The following TENM4 variants were observed in gnomAD, a reference collection of about 807,000 sequenced individuals.
TENM4 encodes teneurin transmembrane protein 4.
TENM4 carries 82 observed loss-of-function variants against 243.3 expected under a neutral mutation model. The observed-to-expected ratio is 0.34, with a 90% CI of 0.28 to 0.40. The LOEUF (loss-of-function observed/expected upper bound fraction) is 0.40. TENM4 is among the 10% of genes least tolerant of loss of function. The pLI is 1.00. For missense variants in TENM4, 3,138 were observed against 3,673.3 expected (o/e 0.85, Z 3.77); for synonymous variants, 1,412 against 1,456.3 (o/e 0.97, Z 0.69).
chr11:78,732,336 G>A lies in TENM4; in HGVS notation c.3118C>T (p.Pro1040Ser). The A allele has an allele frequency of 2.5e-6, 4 of 1,607,408 alleles. No homozygotes were observed. Among genetic ancestry groups the A allele is most frequent in the Non-Finnish European group, 3.4e-6 (4 of 1,174,940 alleles). The part of the protein sequence containing the change: ...SFASSCAEKG[P>S]IVPEIQALQE... ...GGTACCTGAATTTCCGGCACAATGG[G>A]GCCTTTCTCTGCACAGGAGCTGGCG... The change falls in exon 21 of 34, where the codon CCC (proline) becomes TCC (serine). Residue 1040 changes from proline (P) to serine (S), a missense_variant. Pro to Ser is a moderately conservative substitution (Grantham distance 74, BLOSUM62 -1). This residue lies in a region of TENM4 where 2,467 missense variants were observed against 3,059.1 expected (regional missense o/e 0.81). Coordinates refer to ENST00000278550, the MANE Select transcript of TENM4 (RefSeq NM_001098816.3).
intron 6 of TENM4, among the ~76,000 whole-genome samples, chr11:78,951,069 G>A (rs1036518817): frequency 5.3e-5 from 8 of 152,234 alleles, no homozygotes; most frequent in East Asian, 3.9e-4. Context: ...AAAATGCAGC[G>A]TGCTCAAGGG....
intron 3 of TENM4, among the ~76,000 whole-genome samples, chr11:79,173,998 C>T (rs1863105775): frequency 6.6e-6 from 1 of 152,072 alleles, no homozygotes; most frequent in Admixed American, 6.6e-5. Flanking sequence ...AACAGAAAGC[C>T]AAAACAAAAG....
At chr11:78,722,629 T>C in intron 24 of TENM4, 39 bp downstream of exon 24, 2 of 1,593,796 alleles carry the variant, frequency 1.3e-6, no homozygotes, top group Non-Finnish European at 1.7e-6. Flanking sequence ...GGCAAAGGCA[T>C]ATTATTAGGA....
intron 4 of TENM4, among the ~76,000 whole-genome samples, chr11:79,130,075 A>T (rs959279002): frequency 1.3e-5 from 2 of 151,978 alleles, no homozygotes; most frequent in African/African-American, 4.8e-5. Flanking sequence ...TTTGCAGACA[A>T]CTCCCAGTAC....
At chr11:78,689,996 G>A (rs1229359118) in intron 28 of TENM4, among the ~76,000 whole-genome samples, 1 of 152,194 alleles carries the variant, frequency 6.6e-6, no homozygotes, top group African/African-American at 2.4e-5. Flanking sequence ...CCTGGGCAGG[G>A]CTGCAGGCAA....
intron 16 of TENM4, 26 bp downstream of exon 16, chr11:78,786,872 T>C (rs369396910): frequency 2.5e-6 from 4 of 1,581,406 alleles, no homozygotes; most frequent in Non-Finnish European, 3.4e-6. Flanking sequence ...CCAGAGAAGG[T>C]ACCCGGGGAC....
intron 6 of TENM4, among the ~76,000 whole-genome samples, chr11:78,997,903 A>C (rs1325827878): frequency 1.3e-5 from 2 of 152,168 alleles, no homozygotes; most frequent in East Asian, 3.8e-4. Flanking sequence ...TGCCCTTATA[A>C]GAGGAGGAAA....
intron 5 of TENM4, among the ~76,000 whole-genome samples, chr11:79,065,802 G>A (rs1316067426): frequency 1.3e-5 from 2 of 152,218 alleles, no homozygotes; most frequent in African/African-American, 4.8e-5. Flanking sequence ...GTAAGAGAAG[G>A]TCACCTAGGA....
chr11:79,276,395 G>T (rs1266109021), intron 2 of TENM4, among the ~76,000 whole-genome samples: 2 of 152,234 alleles, frequency 1.3e-5, no homozygotes, highest in Non-Finnish European at 1.5e-5. Flanking sequence ...GGCTAGCAGG[G>T]TCTCCAGGAG....
intron 2 of TENM4, among the ~76,000 whole-genome samples, chr11:79,243,191 G>A (rs1027457417): frequency 9.2e-5 from 14 of 152,060 alleles, no homozygotes; most frequent in African/African-American, 3.4e-4. Context: ...ACGGTAGGAG[G>A]CAGGGAACAG....
At chr11:79,248,485 G>T (rs898943821) in intron 2 of TENM4, among the ~76,000 whole-genome samples, 1 of 152,134 alleles carries the variant, frequency 6.6e-6, no homozygotes, top group Admixed American at 6.5e-5. Flanking sequence ...ACACTTTGGG[G>T]AACGTCTATT....
rs1330335986 is a variant in TENM4, at chr11:78,778,598, A to G, written c.2392+4T>C. The G allele has an allele frequency of 1.9e-6, 3 of 1,611,932 alleles. No individual in the cohort carries two copies. Among genetic ancestry groups the G allele is most frequent in the East Asian group, 4.5e-5 (2 of 44,874 alleles). On this transcript the variant is annotated splice_donor_region_variant and intron_variant, in intron 17 of 33. Transcript: ENST00000278550. ...ACAGGAAAATAGAGGAAGGAAGACC[A>G]TACCTTTAACTACCCTATCCAGATA...
intron 9 of TENM4, among the ~76,000 whole-genome samples, chr11:78,881,231 G>A (rs1312499618): frequency 1.3e-5 from 2 of 152,084 alleles, no homozygotes; most frequent in East Asian, 3.9e-4. Context: ...TGACACAGGG[G>A]AAGACAGATG....
At chr11:79,231,024 A>C (rs1864363601) in intron 2 of TENM4, among the ~76,000 whole-genome samples, 1 of 152,218 alleles carries the variant, frequency 6.6e-6, no homozygotes. Context: ...ACCCACTTCC[A>C]ACCTTGGCTG....
intron 5 of TENM4, among the ~76,000 whole-genome samples, chr11:79,066,353 G>A (rs1860246106): frequency 6.6e-6 from 1 of 152,188 alleles, no homozygotes; most frequent in South Asian, 2.1e-4. Context: ...AATAGGACAA[G>A]CCTGCAAAGG....
chr11:79,082,244 C>A (rs1860694195), intron 4 of TENM4, among the ~76,000 whole-genome samples: 1 of 152,310 alleles, frequency 6.6e-6, no homozygotes, highest in South Asian at 2.1e-4. Context: ...TGCGAGCCAA[C>A]CCTCTCCCTT....
intron 6 of TENM4, among the ~76,000 whole-genome samples, chr11:78,960,635 G>T (rs1434693847): frequency 6.6e-6 from 1 of 152,104 alleles, no homozygotes; most frequent in Non-Finnish European, 1.5e-5. Context: ...TCTCTGTCTG[G>T]CACACCTCAC....
At chr11:78,744,589 GA>G (rs1856003325) in intron 19 of TENM4, among the ~76,000 whole-genome samples, 1 of 152,164 alleles carries the variant, frequency 6.6e-6, no homozygotes. Context: ...TGAAATAATT[GA>G]GAATCCCAAT....
chr11:78,956,833 G>A (rs1162744292), intron 6 of TENM4, among the ~76,000 whole-genome samples: 2 of 152,108 alleles, frequency 1.3e-5, no homozygotes, highest in Admixed American at 6.5e-5. Flanking sequence ...CATGTTTCAC[G>A]GCAGAAATAG....
Sources: gnomAD v4.1 joint callset for allele counts (sites outside exome capture counted in the v4.1 genomes callset) on GRCh38, gnomAD v4.1.1 for gene constraint, gnomAD v4.1.1 regional missense constraint, MANE v1.5 for transcripts, NCBI Gene and HGNC (gene_info 2026-07-23, HGNC 2026-07-21) for gene names.